RAP1GAP: variants seen among roughly 807,000 people sequenced by gnomAD.
RAP1GAP encodes the protein RAP1 GTPase activating protein, also known as rap1 GTPase-activating protein 1.
Under a neutral mutation model 87.2 loss-of-function variants are expected in RAP1GAP, and 35 were observed. That is an observed-to-expected ratio of 0.40 (90% CI 0.31 to 0.53). RAP1GAP has a LOEUF of 0.53. RAP1GAP is among the 20% of genes least tolerant of loss of function. The pLI is 0.48. For synonymous variants in RAP1GAP, 375 were observed against 363.9 expected (o/e 1.03, Z -0.35); for missense variants, 734 against 898.9 (o/e 0.82, Z 2.35).
chr1:21,601,908 G>C, intron 19 of RAP1GAP, 111 bp from the exon 20 acceptor site: 1 of 694,428 alleles, frequency 1.4e-6, no homozygotes, highest in Non-Finnish European at 2.3e-6. Flanking sequence ...TCATACCCAC[G>C]CCCCTATACT....
chr1:21,655,313 T>C (rs1162013230), intron 1 of RAP1GAP, among the ~76,000 whole-genome samples: 1 of 152,222 alleles, frequency 6.6e-6, no homozygotes, highest in African/African-American at 2.4e-5. Flanking sequence ...ATGTATGCTA[T>C]GCGGTGCCAT....
chr1:21,604,857 ATG>A (rs2072850395), intron 18 of RAP1GAP, among the ~76,000 whole-genome samples: 1 of 137,070 alleles, frequency 7.3e-6, no homozygotes, highest in Non-Finnish European at 1.6e-5. Context: ...GGATGGATGG[ATG>A]GATGGATGGA....
At chr1:21,628,148 G>A (rs1312326665) in intron 2 of RAP1GAP, among the ~76,000 whole-genome samples, 1 of 152,138 alleles carries the variant, frequency 6.6e-6, no homozygotes, top group Non-Finnish European at 1.5e-5. Flanking sequence ...TCACTGAAGG[G>A]TTGTGAGCAA....
Position 21,603,790 on chromosome 1 carries a change from CGCGT to C in RAP1GAP, c.1429-881_1429-878del. On this transcript the variant is annotated intron_variant, in intron 18 of 24. Coordinates refer to ENST00000374765, the MANE Select transcript of RAP1GAP (RefSeq NM_002885.4). The surrounding 1 kb of genome is among the most constrained non-coding windows in gnomAD (Gnocchi z 6.0). ...CGTCCTGAGAGCGAGCAGAGAACAG[CGCGT>C]GCAGGCAGCCTCCAGAGCCGGCGGC... is the stretch of plus-strand genomic sequence containing the variant. The C allele has an allele frequency of 6.4e-7, 1 of 1,557,604 alleles. No homozygotes were observed. Among genetic ancestry groups the C allele is most frequent in the Non-Finnish European group, 8.9e-7 (1 of 1,129,756 alleles).
In RAP1GAP at chr1:21,610,258, G is replaced by A. The variant is rs147013203; in HGVS notation, c.861C>T (p.His287=). 9.2e-5 allele frequency: 148 copies of A among 1,614,102 alleles called. No homozygotes were observed. The African/African-American group carries it at 1.7e-3, about 19-fold the overall frequency. The change falls in exon 14 of 25, where the codon CAC becomes CAT. Residue 287 remains histidine (H), a synonymous_variant. Coordinates refer to ENST00000374765, the MANE Select transcript of RAP1GAP (RefSeq NM_002885.4). ...CCACAGCCACGATGTCGTTCCCGAT[G>A]TGCCGCTTCCGCTGCAACTGAGCAC... ...GDAQQLQRKR[H]IGNDIVAVVF... is the part of the protein sequence containing the mutation.
rs201040936 is a variant in RAP1GAP, at chr1:21,619,115, G to C, written c.19-43C>G. 5.2e-6 allele frequency: 8 copies of C among 1,546,758 alleles called. No individual in the cohort carries two copies. In the South Asian group the frequency reaches 9.5e-5, roughly 18 times the overall value. ...ACTGTTACACCCTCCCAGGCCTGCC[G>C]CCAGGCGCTGCCTCCCCTCCCCAAG... On this transcript the variant is annotated intron_variant, in intron 4 of 24. Transcript: ENST00000374765.
At chr1:21,632,803 A>T (rs2094017913) in intron 2 of RAP1GAP, among the ~76,000 whole-genome samples, 1 of 152,142 alleles carries the variant, frequency 6.6e-6, no homozygotes, top group Non-Finnish European at 1.5e-5. Context: ...CAGGAGGCTG[A>T]GGTGGGAGGA....
At chr1:21,620,113 C>A in intron 3 of RAP1GAP, 63 bp from the exon 4 acceptor site, 1 of 1,583,328 alleles carries the variant, frequency 6.3e-7, no homozygotes, top group Non-Finnish European at 8.7e-7. Flanking sequence ...GGAGTCTCCA[C>A]CCGCCCCGGC....
At position 21,635,439 on chromosome 1, in the gene RAP1GAP, G is replaced by C. The variant is rs146270792; in HGVS notation, c.-112-9042C>G. On this transcript the variant is annotated intron_variant, in intron 2 of 24. Transcript: ENST00000374765. ...AACACATGTCCTGAGGTCTGCTCTGGAGTGGACAATGGTGCTGGGTGCTGG... is the reference window on the plus strand; with the variant it reads ...AACACATGTCCTGAGGTCTGCTCTGCAGTGGACAATGGTGCTGGGTGCTGG... 5.9e-5 allele frequency among the ~76,000 whole-genome samples: 9 copies of C among 152,264 alleles called. No homozygotes were observed. In the East Asian group the frequency reaches 1.5e-3, roughly 26 times the overall value.
rs1558943655 is a variant in RAP1GAP, at chr1:21,665,286, G to C, written c.-149+3968C>G. The C allele has an allele frequency of 5.8e-6, 3 of 516,834 alleles. No homozygotes were observed. The Admixed American group carries it at 5.8e-5, about 10-fold the overall frequency. 32.0% of individuals were successfully genotyped at this position (516,834 alleles called of 1,614,324 possible). A position where few individuals can be genotyped will look rare whatever the true frequency, so the allele number is the denominator to read the frequency against. ...TGCTTCCTCCGAATGGGGGTCCGAG[G>C]GAGGGTGGCCTCGGTTGGCAGAGGT... On this transcript the variant is annotated intron_variant, in intron 1 of 24. Coordinates refer to ENST00000374765, the MANE Select transcript of RAP1GAP (RefSeq NM_002885.4).
At chr1:21,612,551 G>A (rs2079056443) in intron 10 of RAP1GAP, among the ~76,000 whole-genome samples, 1 of 152,102 alleles carries the variant, frequency 6.6e-6, no homozygotes, top group South Asian at 2.1e-4. Context: ...CTCACCTTAG[G>A]CCTCAGTTTC....
At chr1:21,659,342 T>C (rs1037592974) in intron 1 of RAP1GAP, among the ~76,000 whole-genome samples, 2 of 152,082 alleles carry the variant, frequency 1.3e-5, no homozygotes, top group African/African-American at 4.8e-5. Flanking sequence ...CCCGGGAGCA[T>C]CTCAGAGAAG....
Position 21,598,075 on chromosome 1 carries a change from G to T in RAP1GAP, c.1880-11C>A. The T allele has an allele frequency of 6.7e-7, 1 of 1,493,842 alleles. No individual in the cohort carries two copies. The highest frequency in any genetic ancestry group is 9.0e-7 in the Non-Finnish European group (1 of 1,106,952). The allele number at this position is 1,493,842 out of a possible 1,614,324, so 92.5% of individuals were successfully genotyped here. A position where few individuals can be genotyped will look rare whatever the true frequency, so the allele number is the denominator to read the frequency against. ...GTGATCGAGAGGGGCCTGGGGAGGGGGGCAGGAGGGAGCCACCTCACTGGC... is the reference window on the plus strand; with the variant it reads ...GTGATCGAGAGGGGCCTGGGGAGGGTGGCAGGAGGGAGCCACCTCACTGGC... On this transcript the variant is annotated splice_polypyrimidine_tract_variant and intron_variant, in intron 22 of 24. Transcript: ENST00000374765.
Position 21,619,100 on chromosome 1 carries a change from C to T in RAP1GAP, c.19-28G>A, listed in dbSNP as rs369047793. The T allele has an allele frequency of 1.8e-5, 28 of 1,577,028 alleles. No homozygotes were observed. The African/African-American group carries it at 3.8e-4, about 21-fold the overall frequency. ...GTAAGAGAAGGCAGCACTGTTACAC[C>T]CTCCCAGGCCTGCCGCCAGGCGCTG... On this transcript the variant is annotated intron_variant, in intron 4 of 24. Coordinates refer to ENST00000374765, the MANE Select transcript of RAP1GAP (RefSeq NM_002885.4).
chr1:21,600,662 G>A (rs530015321), intron 20 of RAP1GAP, among the ~76,000 whole-genome samples: 109 of 152,180 alleles, frequency 7.2e-4, no homozygotes, highest in African/African-American at 2.5e-3. Flanking sequence ...TGAGGCGGGC[G>A]GATCACGAGA....
At chr1:21,604,809 GTGGA>G (rs1483317699) in intron 18 of RAP1GAP, among the ~76,000 whole-genome samples, 1 of 150,588 alleles carries the variant, frequency 6.6e-6, no homozygotes, top group Non-Finnish European at 1.5e-5. Flanking sequence ...CGGTGGGTGG[GTGGA>G]TGGATGGATG....
chr1:21,618,032 G>A lies in RAP1GAP; in HGVS notation c.67-60C>T, dbSNP rs926809223. On this transcript the variant is annotated intron_variant, in intron 5 of 24. Transcript: ENST00000374765. ...CTGTCCATCCTCCAGTGCCCCCAGA[G>A]CTGGCCTCTGCTTGGCCAGCCTCAG... The A allele has an allele frequency of 7.5e-6, 12 of 1,603,628 alleles. No individual in the cohort carries two copies. In the Admixed American group the frequency reaches 1.3e-4, roughly 18 times the overall value.
chr1:21,666,538 T>C (rs970842995), intron 1 of RAP1GAP, among the ~76,000 whole-genome samples: 1 of 151,738 alleles, frequency 6.6e-6, no homozygotes, highest in Non-Finnish European at 1.5e-5. Context: ...GTCCACTGAG[T>C]GGGAAGCACC....
chr1:21,666,632 G>T (rs1012116192), intron 1 of RAP1GAP, among the ~76,000 whole-genome samples: 2 of 152,114 alleles, frequency 1.3e-5, no homozygotes, highest in Non-Finnish European at 2.9e-5. Context: ...GCTTTGCTGG[G>T]GACGGTCGGG....
Sources: gnomAD v4.1 joint callset for allele counts (sites outside exome capture counted in the v4.1 genomes callset) on GRCh38, gnomAD v4.1.1 for gene constraint, Gnocchi (gnomAD v3.1) non-coding constraint, MANE v1.5 for transcripts, NCBI Gene and HGNC (gene_info 2026-07-23, HGNC 2026-07-21) for gene names.